The following KHDRBS3 variants were observed in gnomAD, a reference collection of about 807,000 sequenced individuals.
The protein encoded by KHDRBS3 is KH RNA binding domain containing, signal transduction associated 3.
A neutral mutation model predicts 45.6 loss-of-function variants in KHDRBS3; 23 were observed. That is an observed-to-expected ratio of 0.50 (90% confidence interval 0.36 to 0.72). The LOEUF (loss-of-function observed/expected upper bound fraction) is 0.72, where lower values mean the gene tolerates loss of function less well. Among genes scored for constraint, KHDRBS3 ranks in the 30% least tolerant of loss-of-function variants. KHDRBS3 has a pLI of 0.00. For synonymous variants in KHDRBS3, 162 were observed against 156.5 expected, an observed-to-expected ratio of 1.04 and a Z score of -0.26; for missense variants, 352 against 424.8, an observed-to-expected ratio of 0.83 and a Z score of 1.51.
At chr8:135,545,609 C>G (rs1345878435) in intron 3 of KHDRBS3, among the ~76,000 whole-genome samples, 1 of 152,160 alleles carries the variant, frequency 6.6e-6, no homozygotes, top group African/African-American at 2.4e-5. Flanking sequence ...GCGGTGCACC[C>G]TAGCTTACTT....
At chr8:135,468,293 G>A (rs1486297800) in intron 1 of KHDRBS3, among the ~76,000 whole-genome samples, 1 of 152,042 alleles carries the variant, frequency 6.6e-6, no homozygotes, top group Non-Finnish European at 1.5e-5. Context: ...CTCTGCCCTA[G>A]CCCTCAAATG....
At chr8:135,612,768 C>T (rs987567794) in intron 7 of KHDRBS3, among the ~76,000 whole-genome samples, 1 of 151,762 alleles carries the variant, frequency 6.6e-6, no homozygotes, top group Non-Finnish European at 1.5e-5. Flanking sequence ...GTAAAAGCTG[C>T]TCAGTCCCCC....
chr8:135,492,966 T>G (rs1208376422), intron 1 of KHDRBS3, among the ~76,000 whole-genome samples: 1 of 152,206 alleles, frequency 6.6e-6, no homozygotes, highest in Non-Finnish European at 1.5e-5. Context: ...GTATATGTCT[T>G]TATTATTTAC....
chr8:135,625,614 T>A (rs770095065), intron 7 of KHDRBS3: 53 of 916,648 alleles, frequency 5.8e-5, no homozygotes, highest in Non-Finnish European at 8.9e-5. Context: ...ACAGGGTCAG[T>A]CTTTTCCATC....
chr8:135,475,901 T>A (rs1057271120), intron 1 of KHDRBS3, among the ~76,000 whole-genome samples: 2 of 152,150 alleles, frequency 1.3e-5, no homozygotes, highest in Non-Finnish European at 2.9e-5. Context: ...GCTTTGGACT[T>A]CATCAGTCTG....
rs1324776803 is a variant in KHDRBS3 at position 135,625,556 on chromosome 8, G to A, written c.890+18519G>A. 6.5e-6 allele frequency: 6 copies of A among 925,902 alleles called. No homozygotes were observed. The Admixed American group carries it at 1.0e-4, about 16-fold the overall frequency. 57.4% of individuals were successfully genotyped at this position (925,902 alleles called of 1,614,324 possible). ...TTTCTTGGGTGTATTCAGAGCTGGA[G>A]CAACGAGAGAGGGAGCCACTGCAGT... On this transcript the variant is annotated intron_variant, in intron 7 of 8. Transcript: ENST00000355849.
At chr8:135,459,349 T>A (rs533519316) in intron 1 of KHDRBS3, among the ~76,000 whole-genome samples, 2 of 152,336 alleles carry the variant, frequency 1.3e-5, no homozygotes, top group East Asian at 3.9e-4. Context: ...TGGAGCTCCC[T>A]CATTTTATTT....
chr8:135,507,019 C>T (rs1472934129), intron 1 of KHDRBS3, among the ~76,000 whole-genome samples: 1 of 152,138 alleles, frequency 6.6e-6, no homozygotes, highest in African/African-American at 2.4e-5. Context: ...GCCTTTTAGA[C>T]ATCTTTTTTC....
chr8:135,591,113 A>C (rs1470158963), intron 6 of KHDRBS3, among the ~76,000 whole-genome samples: 1 of 152,210 alleles, frequency 6.6e-6, no homozygotes, highest in African/African-American at 2.4e-5. Flanking sequence ...GGTAGTGCCT[A>C]CTTAAGAGAG....
At chr8:135,614,618 A>G (rs572781824) in intron 7 of KHDRBS3, among the ~76,000 whole-genome samples, 52 of 151,852 alleles carry the variant, frequency 3.4e-4, no homozygotes, top group South Asian at 8.3e-4. Flanking sequence ...ACACAGTACT[A>G]TGTAGACATC....
chr8:135,639,751 A>T (rs2131176899), intron 7 of KHDRBS3, among the ~76,000 whole-genome samples: 1 of 152,328 alleles, frequency 6.6e-6, no homozygotes, highest in South Asian at 2.1e-4. Flanking sequence ...GCGGAGAAAG[A>T]ACAGGGTGGT....
Position 135,457,932 on chromosome 8 carries a change from C to A in KHDRBS3, c.66C>A (p.His22Gln). 6.2e-7 allele frequency: 1 copy of A among 1,600,578 alleles called. No individual in the cohort carries two copies. The highest frequency in any genetic ancestry group is 8.5e-7 in the Non-Finnish European group (1 of 1,174,332). Reference protein sequence around the residue: ...EKDSLDPSFTHALRLVNQEIE... With the variant: ...EKDSLDPSFTQALRLVNQEIE... ...ACTCCCTGGACCCCTCCTTCACGCA[C>A]GCCCTGCGCCTGGTGAACCAAGGTG... The change falls in exon 1 of 9, where the codon CAC becomes CAA. Residue 22 changes from histidine (H) to glutamine (Q), a missense_variant. This residue lies in a region of KHDRBS3 where 58 missense variants were observed against 64.5 expected (regional missense o/e 0.90). Coordinates refer to ENST00000355849, the MANE Select transcript of KHDRBS3 (RefSeq NM_006558.3). The surrounding 1 kb of genome is among the most constrained non-coding windows in gnomAD (Gnocchi z 4.4).
intron 5 of KHDRBS3, among the ~76,000 whole-genome samples, chr8:135,566,121 A>G (rs1216507104): frequency 1.3e-5 from 2 of 152,198 alleles, no homozygotes; most frequent in Non-Finnish European, 2.9e-5. Flanking sequence ...ATACATGATG[A>G]AAGTAGACTA....
chr8:135,499,010 A>G (rs1169307832), intron 1 of KHDRBS3, among the ~76,000 whole-genome samples: 2 of 152,208 alleles, frequency 1.3e-5, no homozygotes, highest in African/African-American at 4.8e-5. Flanking sequence ...CTTAGAATTT[A>G]CTGACTTAAT....
At chr8:135,638,345 C>T (rs1243326196) in intron 7 of KHDRBS3, among the ~76,000 whole-genome samples, 1 of 152,170 alleles carries the variant, frequency 6.6e-6, no homozygotes, top group Non-Finnish European at 1.5e-5. Context: ...ACAAAGCGTA[C>T]GTTACTAGCA....
chr8:135,597,311 G>T (rs574401379), intron 6 of KHDRBS3, among the ~76,000 whole-genome samples: 1 of 152,170 alleles, frequency 6.6e-6, no homozygotes, highest in Non-Finnish European at 1.5e-5. Context: ...TTCGCAAGAG[G>T]CCCAACTTCT....
At chr8:135,649,084 G>C (rs1257680040), downstream of KHDRBS3, among the ~76,000 whole-genome samples, 2 of 152,014 alleles carry the variant, frequency 1.3e-5, no homozygotes, top group African/African-American at 2.4e-5. Flanking sequence ...CAAATGATAA[G>C]TATTATAAAA....
chr8:135,581,882 A>G lies in KHDRBS3; in HGVS notation c.616A>G (p.Arg206Gly). ...GVPAPAITRG[R>G]GGVTARPVGV... is the part of the protein sequence containing the mutation. ...ATTTGACTCTCTTGGTTACAGGGGA[A>G]GGGGAGGAGTTACAGCCCGGCCAGT... Residue 206 changes from arginine (R) to glycine (G), a missense_variant, in exon 6 of 9, where the codon AGG (arginine) becomes GGG (glycine). Transcript: ENST00000355849. 1.3e-6 allele frequency: 2 copies of G among 1,585,910 alleles called. No individual in the cohort carries two copies. The highest frequency in any genetic ancestry group is 1.7e-6 in the Non-Finnish European group (2 of 1,161,966).
intron 1 of KHDRBS3, among the ~76,000 whole-genome samples, chr8:135,465,883 T>C (rs988886207): frequency 2.0e-5 from 3 of 152,262 alleles, no homozygotes; most frequent in Non-Finnish European, 2.9e-5. Flanking sequence ...ATGTCTGTTT[T>C]CGATATATAT....
Sources: allele counts gnomAD v4.1 joint callset (sites outside exome capture counted in the v4.1 genomes callset), GRCh38; gene constraint gnomAD v4.1.1; regional missense constraint gnomAD v4.1.1; non-coding constraint Gnocchi (gnomAD v3.1); transcripts MANE v1.5; gene names NCBI Gene and HGNC (gene_info 2026-07-23, HGNC 2026-07-21).